Variants in MRPL47 observed in about 807,000 individuals in gnomAD.
MRPL47 encodes the protein mitochondrial ribosomal protein L47.
MRPL47 carries 31 observed loss-of-function variants against 34.0 expected under a neutral mutation model. The observed-to-expected ratio is 0.91, with a 90% CI of 0.68 to 1.23. The LOEUF is 1.23. Among genes scored for constraint, MRPL47 ranks in the 50% most tolerant of loss-of-function variants. MRPL47 has a pLI of 0.00. For missense variants in MRPL47, 328 were observed against 285.8 expected (o/e 1.15, Z -1.07); for synonymous variants, 106 against 101.6 (o/e 1.04, Z -0.26).
intron 1 of MRPL47, among the ~76,000 whole-genome samples, chr3:179,603,375 C>T (rs1420531375): frequency 6.6e-6 from 1 of 151,822 alleles, no homozygotes; most frequent in African/African-American, 2.4e-5. Flanking sequence ...TCATCTTTAA[C>T]AAAAATACAA....
In MRPL47 at chr3:179,593,910, G is replaced by C. The variant is rs1560018352; in HGVS notation, c.403-15C>G. 1 of 1,600,576 alleles carries C rather than the reference G, an allele frequency of 6.2e-7. No individual in the cohort carries two copies. The highest frequency in any genetic ancestry group is 2.3e-5 in the East Asian group (1 of 44,406). The stretch of plus-strand genomic sequence containing the variant: ...GAATCTACTACCTGAAAAGAGAATA[G>C]AAAGATACAATTTCAACAATCATCT... On this transcript the variant is annotated splice_polypyrimidine_tract_variant and intron_variant, in intron 4 of 6. Coordinates refer to ENST00000476781, the MANE Select transcript of MRPL47 (RefSeq NM_020409.3).
intron 5 of MRPL47, 88 bp downstream of exon 5, chr3:179,593,677 C>G (rs1420969958): frequency 1.5e-6 from 2 of 1,296,340 alleles, no homozygotes. Flanking sequence ...TCATATGGTA[C>G]AAATTTTTTT....
At position 179,593,764 on chromosome 3, in the gene MRPL47, C is replaced by T; in HGVS notation, c.533+1G>A. ...GAAGAGCCACAGTGTTAACTACATACCAGATGATTCTTCCAAAGATGTCTC... is the reference window on the plus strand; with the variant it reads ...GAAGAGCCACAGTGTTAACTACATATCAGATGATTCTTCCAAAGATGTCTC... On this transcript the variant is annotated splice_donor_variant, in intron 5 of 6. Coordinates refer to ENST00000476781, the MANE Select transcript of MRPL47 (RefSeq NM_020409.3). LOFTEE classifies it high-confidence loss of function. The T allele has an allele frequency of 1.2e-6, 2 of 1,612,836 alleles. No individual in the cohort carries two copies. Among genetic ancestry groups the T allele is most frequent in the Non-Finnish European group, 8.5e-7 (1 of 1,179,454 alleles).
chr3:179,592,765 G>A (rs749039847), intron 5 of MRPL47, 26 bp from the exon 6 acceptor site: 1 of 1,461,610 alleles, frequency 6.8e-7, no homozygotes, highest in Non-Finnish European at 9.6e-7. Context: ...AAAGTTATTT[G>A]CCTTAAAGAA....
chr3:179,595,573 A>G (rs2108381180), intron 4 of MRPL47, among the ~76,000 whole-genome samples: 1 of 152,348 alleles, frequency 6.6e-6, no homozygotes, highest in East Asian at 1.9e-4. Context: ...TAATCTTTAG[A>G]AATTTTTAGT....
At chr3:179,594,168 C>T (rs534953075) in intron 4 of MRPL47, among the ~76,000 whole-genome samples, 7 of 152,260 alleles carry the variant, frequency 4.6e-5, no homozygotes, top group Admixed American at 3.3e-4. Context: ...TACATAGATT[C>T]CTTTTGGAGA....
At position 179,601,648 on chromosome 3, in the gene MRPL47, A is replaced by G. The variant is rs1350409380; in HGVS notation, c.305+82T>C. On this transcript the variant is annotated intron_variant, in intron 3 of 6. Coordinates refer to ENST00000476781, the MANE Select transcript of MRPL47 (RefSeq NM_020409.3). ...AAGAAATCGCTTTACTCAATTTCTT[A>G]TATCAGATAGATTGTTTTCACCTCA... 3 of 838,294 alleles carry G rather than the reference A, an allele frequency of 3.6e-6. No individual in the cohort carries two copies. The East Asian group carries it at 7.4e-5, about 21-fold the overall frequency. 51.9% of individuals were successfully genotyped at this position (838,294 alleles called of 1,614,324 possible).
chr3:179,601,569 A>T (rs914261010), intron 3 of MRPL47, among the ~76,000 whole-genome samples, 161 bp downstream of exon 3: 1 of 152,274 alleles, frequency 6.6e-6, no homozygotes, highest in African/African-American at 2.4e-5. Context: ...AACCTCTGTC[A>T]TATAAAATCT....
chr3:179,597,795 CA>C (rs1718821874), intron 4 of MRPL47, among the ~76,000 whole-genome samples: 1 of 151,638 alleles, frequency 6.6e-6, no homozygotes, highest in African/African-American at 2.4e-5. Flanking sequence ...ACAACAAGAG[CA>C]AAACTCCGTC....
At chr3:179,602,037 G>A (rs1017671820) in intron 2 of MRPL47, among the ~76,000 whole-genome samples, 1 of 152,162 alleles carries the variant, frequency 6.6e-6, no homozygotes, top group African/African-American at 2.4e-5. Flanking sequence ...ACACCCTAAT[G>A]ACAAAATACT....
At chr3:179,601,100 A>G (rs1297657198) in intron 3 of MRPL47, among the ~76,000 whole-genome samples, 2 of 152,188 alleles carry the variant, frequency 1.3e-5, no homozygotes, top group Non-Finnish European at 2.9e-5. Context: ...AAAATGTAAT[A>G]AAAAGGAGAG....
At position 179,588,754 on chromosome 3, in the gene MRPL47, T is replaced by C; in HGVS notation, c.*118A>G. Reference sequence around the variant, plus strand: ...ATGCCATATTCACACTTAGAACAACTGATTAGTAAAGTCACTTGACTAAAA... The same window carrying C: ...ATGCCATATTCACACTTAGAACAACCGATTAGTAAAGTCACTTGACTAAAA... On this transcript the variant is annotated 3_prime_UTR_variant, in exon 7 of 7. Transcript: ENST00000476781. The C allele has an allele frequency of 1.0e-6, 1 of 976,478 alleles. No individual in the cohort carries two copies. Among genetic ancestry groups the C allele is most frequent in the South Asian group, 2.0e-5 (1 of 49,324 alleles). 60.5% of individuals were successfully genotyped at this position (976,478 alleles called of 1,614,324 possible). A position where few individuals can be genotyped will look rare whatever the true frequency, so the allele number is the denominator to read the frequency against.
chr3:179,588,809 A>G lies in MRPL47; in HGVS notation c.*63T>C. 6.8e-7 allele frequency: 1 copy of G among 1,467,528 alleles called. No individual in the cohort carries two copies. Among genetic ancestry groups the G allele is most frequent in the Non-Finnish European group, 9.2e-7 (1 of 1,083,014 alleles). The allele number at this position is 1,467,528 out of a possible 1,614,324, so 90.9% of individuals were successfully genotyped here. A position where few individuals can be genotyped will look rare whatever the true frequency, so the allele number is the denominator to read the frequency against. On this transcript the variant is annotated 3_prime_UTR_variant, in exon 7 of 7. Coordinates refer to ENST00000476781, the MANE Select transcript of MRPL47 (RefSeq NM_020409.3). ...AATTTCTTTATAAACCACTTAACAT[A>G]TTTACTCCTGTACACAGACTATTCA...
Position 179,601,778 on chromosome 3 carries a change from GT to G in MRPL47, c.256del (p.Thr86ProfsTer5). 1.9e-6 allele frequency: 3 copies of G among 1,608,964 alleles called. No individual in the cohort carries two copies. Among genetic ancestry groups the G allele is most frequent in the Non-Finnish European group, 8.5e-7 (1 of 1,175,874 alleles). ...QEKVKSGAAW[T>X]CQQLRNKSNE... ...ACTTTTGTTCCTTAGTTGCTGACAG[GT>G]CCATGCTGCTCCTATTAAAATAATA... On this transcript the variant is annotated frameshift_variant, in exon 3 of 7. Coordinates refer to ENST00000476781, the MANE Select transcript of MRPL47 (RefSeq NM_020409.3). LOFTEE classifies it high-confidence loss of function.
chr3:179,598,053 T>A (rs949520213), intron 4 of MRPL47, among the ~76,000 whole-genome samples: 1 of 152,170 alleles, frequency 6.6e-6, no homozygotes, highest in African/African-American at 2.4e-5. Context: ...AAATGCTAAA[T>A]ATAGATTTAT....
intron 4 of MRPL47, among the ~76,000 whole-genome samples, chr3:179,598,425 C>CACACACACACACACACAA (rs1718841949): frequency 7.9e-6 from 1 of 125,896 alleles, no homozygotes; most frequent in Non-Finnish European, 1.6e-5. Context: ...CACACACACA[C>CACACACACACACACACAA]AAACAAAAAA....
rs10513762 is a variant in MRPL47 at position 179,588,987 on chromosome 3, C to T, written c.638G>A (p.Arg213His). 0.085 allele frequency: 136,506 copies of T among 1,609,990 alleles called. 6,587 individuals carry two copies. Among genetic ancestry groups the T allele is most frequent in the South Asian group, 0.16 (14,740 of 90,468 alleles). ...TGCTTTGATGCGGGCTCGTTTCTCA[C>T]GTTCCAGTCTAGAATAAAAAAAGCG... ...PYVDHFLRLE[R>H]EKRARIKARK... Residue 213 changes from arginine to histidine, a missense_variant, in exon 7 of 7, where the codon CGT becomes CAT. Transcript: ENST00000476781.
chr3:179,603,764 G>A (rs1171134466), intron 1 of MRPL47, among the ~76,000 whole-genome samples: 1 of 152,080 alleles, frequency 6.6e-6, no homozygotes, highest in Non-Finnish European at 1.5e-5. Flanking sequence ...TGTGCATCTG[G>A]ATGATAAATT....
chr3:179,592,648 G>C lies in MRPL47; in HGVS notation c.625C>G (p.Leu209Val). ...ATTAAAGGTGCTTGTGCTCACCTGAGAAAATGGTCCACATAAGGCAAGGCA... is the reference window on the plus strand; with the variant it reads ...ATTAAAGGTGCTTGTGCTCACCTGACAAAATGGTCCACATAAGGCAAGGCA... ...FFALPYVDHF[L>V]RLEREKRARI... Residue 209 changes from leucine (L) to valine (V), a missense_variant, in exon 6 of 7, where the codon CTC (leucine) becomes GTC (valine). Leu to Val is a conservative substitution (Grantham distance 32, BLOSUM62 1). Transcript: ENST00000476781. 1.9e-6 allele frequency: 3 copies of C among 1,602,344 alleles called. No homozygotes were observed. In the South Asian group the frequency reaches 3.3e-5, roughly 18 times the overall value.
Sources: gnomAD v4.1 joint callset for allele counts (sites outside exome capture counted in the v4.1 genomes callset) on GRCh38, gnomAD v4.1.1 for gene constraint, MANE v1.5 for transcripts, NCBI Gene and HGNC (gene_info 2026-07-23, HGNC 2026-07-21) for gene names.